The following ABCA7 variants were observed in gnomAD, a reference collection of about 807,000 sequenced individuals.
ABCA7 encodes phospholipid-transporting ATPase ABCA7.
Under a neutral mutation model 227.6 loss-of-function variants are expected in ABCA7, and 261 were observed. The observed-to-expected ratio is 1.15, with a 90% confidence interval of 1.04 to 1.27. ABCA7 has a LOEUF of 1.27. Among genes scored for constraint, ABCA7 ranks in the 50% most tolerant of loss-of-function variants. The probability of loss-of-function intolerance (pLI) is 0.00; values close to 1 mark genes in which losing one functional copy is unlikely to be tolerated. For synonymous variants in ABCA7, 1,488 were observed against 1,279.7 expected (o/e 1.16, Z -3.47); for missense variants, 3,331 against 2,924.5 (o/e 1.14, Z -3.21).
chr19:1,056,926 G>C lies in ABCA7; in HGVS notation c.4606G>C (p.Val1536Leu), dbSNP rs371168746. ...CTCCAGGATGGCCTCCTCGGTGGAC[G>C]TCCTCGTCTCCATCTGTGTGGTCTT... is the stretch of plus-strand genomic sequence containing the variant. ...EGALMASSVD[V>L]LVSICVVFAM... is the part of the protein sequence containing the mutation. Residue 1536 changes from valine (V) to leucine (L), a missense_variant, in exon 34 of 47, where the codon GTC becomes CTC. Coordinates refer to ENST00000263094, the MANE Select transcript of ABCA7 (RefSeq NM_019112.4). The surrounding 1 kb of genome is among the most constrained non-coding windows in gnomAD (Gnocchi z 4.3). 6.2e-7 allele frequency: 1 copy of C among 1,613,706 alleles called. No individual in the cohort carries two copies. Among genetic ancestry groups the C allele is most frequent in the Non-Finnish European group, 8.5e-7 (1 of 1,179,786 alleles).
chr19:1,053,234 G>A, intron 23 of ABCA7, 95 bp from the exon 24 acceptor site: 3 of 1,313,462 alleles, frequency 2.3e-6, no homozygotes, highest in Non-Finnish European at 3.1e-6. Flanking sequence ...TGTCTGCCGG[G>A]ACAGTCCCCT....
chr19:1,050,797 T>TAATAATAATAATAAC, intron 18 of ABCA7, 124 bp from the exon 19 acceptor site: 1 of 194,182 alleles, frequency 5.1e-6, no homozygotes, highest in South Asian at 2.0e-4. Context: ...ATAATAATAA[T>TAATAATAATAATAAC]AATAATAATA....
At position 1,046,802 on chromosome 19, in the gene ABCA7, G is replaced by C; in HGVS notation, c.1623G>C (p.Val541=). The change falls in exon 14 of 47, where the codon GTG becomes GTC. Residue 541 remains valine, a splice_region_variant and synonymous_variant. Transcript: ENST00000263094. The stretch of plus-strand genomic sequence containing the variant: ...TCCACCCCAGCCGTCCCCACCCCAG[G>C]TTCCTGCGTGTGCTGAGCCGGTCGC... ...QMPYPCYVDD[V]FLRVLSRSLP... 4.6e-6 allele frequency: 7 copies of C among 1,536,996 alleles called. No individual in the cohort carries two copies. Among genetic ancestry groups the C allele is most frequent in the Non-Finnish European group, 6.1e-6 (7 of 1,146,730 alleles).
In ABCA7 at chr19:1,057,881, G is replaced by A. The variant is rs561272903; in HGVS notation, c.4881-34G>A. On this transcript the variant is annotated intron_variant, in intron 35 of 46. Transcript: ENST00000263094. ...TTCCTCTCAGGGCTTCTCAGTCTGAGTGGTTACTCCAGTGACTCCTATTGT... is the reference window on the plus strand; with the variant it reads ...TTCCTCTCAGGGCTTCTCAGTCTGAATGGTTACTCCAGTGACTCCTATTGT... 42 of 1,612,468 alleles carry A rather than the reference G, an allele frequency of 2.6e-5. No homozygotes were observed. In the South Asian group the frequency reaches 4.1e-4, roughly 16 times the overall value.
chr19:1,043,169 CT>C lies in ABCA7; in HGVS notation c.709del (p.Ser237ProfsTer10). The stretch of plus-strand genomic sequence containing the variant: ...GGGGACCTAGCAGCACAGTGGGCCC[CT>C]CCCTCAACTGGTACGAGGCTAGTGA... ...VRGPSSTVGP[S>X]LNWYEASDLM... On this transcript the variant is annotated frameshift_variant, in exon 8 of 47. Transcript: ENST00000263094. LOFTEE classifies it high-confidence loss of function. 6.2e-7 allele frequency: 1 copy of C among 1,611,196 alleles called. No individual in the cohort carries two copies. Among genetic ancestry groups the C allele is most frequent in the South Asian group, 1.1e-5 (1 of 90,972 alleles).
At position 1,047,612 on chromosome 19, in the gene ABCA7, C is replaced by A; in HGVS notation, c.2227C>A (p.Leu743Ile). ...VSGLLLLDAA[L>I]YGLATWYLEA... ...TGGCCTTCTGCTGCTGGACGCGGCGCTCTACGGCCTCGCCACCTGGTACCT... is the reference window on the plus strand; with the variant it reads ...TGGCCTTCTGCTGCTGGACGCGGCGATCTACGGCCTCGCCACCTGGTACCT... Residue 743 changes from leucine (L) to isoleucine (I), a missense_variant, in exon 16 of 47, where the codon CTC becomes ATC. Leu to Ile is a conservative substitution (Grantham distance 5, BLOSUM62 2). Transcript: ENST00000263094. 1 of 1,601,348 alleles carries A rather than the reference C, an allele frequency of 6.2e-7. No homozygotes were observed. Among genetic ancestry groups the A allele is most frequent in the South Asian group, 1.1e-5 (1 of 90,780 alleles).
Position 1,049,343 on chromosome 19 carries a change from C to A in ABCA7, c.2458C>A (p.Pro820Thr). 4 of 1,611,618 alleles carry A rather than the reference C, an allele frequency of 2.5e-6. No individual in the cohort carries two copies. The Admixed American group carries it at 6.7e-5, about 27-fold the overall frequency. The change falls in exon 18 of 47, where the codon CCG (proline) becomes ACG (threonine). Residue 820 changes from proline to threonine, a missense_variant. Physicochemically the swap from Pro to Thr is conservative, Grantham distance 38. Coordinates refer to ENST00000263094, the MANE Select transcript of ABCA7 (RefSeq NM_019112.4). ...CCTGGAGAAGCGCTTTCCTGGAAGCCCGCAGCCAGCCCTGCGGGGGCTCAG... is the reference window on the plus strand; with the variant it reads ...CCTGGAGAAGCGCTTTCCTGGAAGCACGCAGCCAGCCCTGCGGGGGCTCAG... Reference protein sequence around the residue: ...RSLEKRFPGSPQPALRGLSLD... With the variant: ...RSLEKRFPGSTQPALRGLSLD...
rs1491300142 is a variant in ABCA7 at position 1,061,714 on chromosome 19, A to AG, written c.5464-68_5464-67insG. 8.2e-5 allele frequency: 119 copies of AG among 1,444,298 alleles called. No individual in the cohort carries two copies. The African/African-American group carries it at 1.4e-3, about 17-fold the overall frequency. The allele number at this position is 1,444,298 out of a possible 1,614,324, so 89.5% of individuals were successfully genotyped here. On this transcript the variant is annotated intron_variant, in intron 40 of 46. Transcript: ENST00000263094. ...AACTTGGTCTCAAAAAAAAAAAAAA[A>AG]AGAAATCAGAGATGCCGGAACCAGG...
At chr19:1,062,696 T>G (rs549484352) in intron 42 of ABCA7, among the ~76,000 whole-genome samples, 2 of 152,006 alleles carry the variant, frequency 1.3e-5, no homozygotes, top group Admixed American at 1.3e-4. Flanking sequence ...CGTTCCCAGT[T>G]TGCAGCCGTT....
At position 1,041,173 on chromosome 19, in the gene ABCA7, G is replaced by A. The variant is rs979960236; in HGVS notation, c.-137-52G>A. The A allele has an allele frequency of 1.9e-5, 12 of 647,622 alleles. No individual in the cohort carries two copies. In the African/African-American group the frequency reaches 2.2e-4, roughly 12 times the overall value. The allele number at this position is 647,622 out of a possible 1,614,324, so 40.1% of individuals were successfully genotyped here. A position where few individuals can be genotyped will look rare whatever the true frequency, so the allele number is the denominator to read the frequency against. On this transcript the variant is annotated intron_variant, in intron 1 of 46. Transcript: ENST00000263094. ...CTCCCATTGGTTTACTCCACCCCTG[G>A]GGTAGCGGAGCCTCTTTATCGAGTG...
rs570490373 is a variant in ABCA7, at chr19:1,065,329, G to A, written c.6345G>A (p.Glu2115=). 22 of 1,613,560 alleles carry A rather than the reference G, an allele frequency of 1.4e-5. No individual in the cohort carries two copies. The Admixed American group carries it at 3.3e-4, about 24-fold the overall frequency. Residue 2115 remains glutamate (E), a synonymous_variant, in exon 47 of 47, where the codon GAG becomes GAA. Transcript: ENST00000263094. ...GKDEDTEEQK[E]AGVGVDPAPG... Reference sequence around the variant, plus strand: ...ACGAGGACACCGAAGAGCAGAAGGAGGCAGGAGTGGGAGTGGACCCCGCGC... The same window carrying A: ...ACGAGGACACCGAAGAGCAGAAGGAAGCAGGAGTGGGAGTGGACCCCGCGC...
At position 1,047,017 on chromosome 19, in the gene ABCA7, T is replaced by C. The variant is rs200420300; in HGVS notation, c.1838T>C (p.Val613Ala). The change falls in exon 14 of 47, where the codon GTG (valine) becomes GCG (alanine). Residue 613 changes from valine (V) to alanine (A), a missense_variant. Val to Ala is a moderately conservative substitution (Grantham distance 64). Coordinates refer to ENST00000263094, the MANE Select transcript of ABCA7 (RefSeq NM_019112.4). ...CTCAGCGCCGCACTGCTGGTTCTGGTGCTCAAGGTGGGCGCGCCTCGGCCT... is the reference window on the plus strand; with the variant it reads ...CTCAGCGCCGCACTGCTGGTTCTGGCGCTCAAGGTGGGCGCGCCTCGGCCT... ...FLLSAALLVL[V>A]LKLGDILPYS... is the part of the protein sequence containing the mutation. 137 of 1,566,360 alleles carry C rather than the reference T, an allele frequency of 8.7e-5. No individual in the cohort carries two copies. The African/African-American group carries it at 1.6e-3, about 19-fold the overall frequency.
rs1004736706 is a variant in ABCA7, at chr19:1,065,507, C to T, written c.*82C>T. The T allele has an allele frequency of 6.7e-7, 1 of 1,498,580 alleles. No individual in the cohort carries two copies. Among genetic ancestry groups the T allele is most frequent in the Non-Finnish European group, 9.1e-7 (1 of 1,100,696 alleles). The allele number at this position is 1,498,580 out of a possible 1,614,324, so 92.8% of individuals were successfully genotyped here. A position where few individuals can be genotyped will look rare whatever the true frequency, so the allele number is the denominator to read the frequency against. On this transcript the variant is annotated 3_prime_UTR_variant, in exon 47 of 47. Transcript: ENST00000263094. ...AGTGCCTAGGAGCCCTGGACTCAGG[C>T]TGGCAGAGGGGCTGGTGCCCTGGAG...
chr19:1,063,938 C>T, intron 44 of ABCA7, 75 bp downstream of exon 44: 2 of 1,453,268 alleles, frequency 1.4e-6, no homozygotes, highest in Non-Finnish European at 1.8e-6. Context: ...AAGCACAAGG[C>T]CACAGGGGAT....
Position 1,055,797 on chromosome 19 carries a change from C to T in ABCA7, c.4206-110C>T, listed in dbSNP as rs151095567. The T allele has an allele frequency of 5.3e-4, 643 of 1,205,510 alleles. 4 individuals are homozygous for T. In the African/African-American group the frequency reaches 8.3e-3, roughly 16 times the overall value. The allele number at this position is 1,205,510 out of a possible 1,614,324, so 74.7% of individuals were successfully genotyped here. A position where few individuals can be genotyped will look rare whatever the true frequency, so the allele number is the denominator to read the frequency against. Reference sequence around the variant, plus strand: ...GATTACAGGCAGGAGCCACCGCGCCCGGCTTTCTTTCCTGTTTTTGTCCAC... The same window carrying T: ...GATTACAGGCAGGAGCCACCGCGCCTGGCTTTCTTTCCTGTTTTTGTCCAC... On this transcript the variant is annotated intron_variant, in intron 30 of 46. Transcript: ENST00000263094.
intron 12 of ABCA7, 141 bp from the exon 13 acceptor site, chr19:1,046,089 G>C: frequency 1.0e-6 from 1 of 954,774 alleles, no homozygotes; most frequent in Non-Finnish European, 1.6e-6. Flanking sequence ...GGAGGTCAAG[G>C]CTGCAGTGAG....
chr19:1,059,248 A>ATTTATTTATTTATTTAT (rs1555698715), intron 40 of ABCA7, 163 bp downstream of exon 40: 1 of 178,352 alleles, frequency 5.6e-6, no homozygotes, highest in African/African-American at 2.6e-5. Flanking sequence ...TTATTATATT[A>ATTTATTTATTTATTTAT]TTATTTATTT....
chr19:1,048,535 C>T (rs1188840859), intron 16 of ABCA7, among the ~76,000 whole-genome samples: 1 of 124,406 alleles, frequency 8.0e-6, no homozygotes, highest in African/African-American at 3.2e-5. Flanking sequence ...CAAGGCCGGG[C>T]ACGGTGGCTC....
intron 10 of ABCA7, among the ~76,000 whole-genome samples, chr19:1,044,235 C>T (rs973470069): frequency 7.5e-6 from 1 of 133,158 alleles, no homozygotes; most frequent in African/African-American, 3.1e-5. Context: ...CTACCACGTC[C>T]TGCTTTTTTT....
Sources: allele counts gnomAD v4.1 joint callset (sites outside exome capture counted in the v4.1 genomes callset), GRCh38; gene constraint gnomAD v4.1.1; non-coding constraint Gnocchi (gnomAD v3.1); transcripts MANE v1.5; gene names NCBI Gene and HGNC (gene_info 2026-07-23, HGNC 2026-07-21).